The following WWOX variants were observed in gnomAD, a reference collection of about 807,000 sequenced individuals.
The protein encoded by WWOX is WW domain containing oxidoreductase.
WWOX carries 69 observed loss-of-function variants against 46.2 expected under a neutral mutation model. That is an observed-to-expected ratio of 1.49 (90% CI 1.23 to 1.82). The LOEUF is 1.82. Ranked by LOEUF, WWOX falls within the 40% of genes most tolerant of loss-of-function variation. The pLI, the probability that WWOX is intolerant of heterozygous loss-of-function variation, is 0.00. For missense variants in WWOX, 919 were observed against 542.6 expected (o/e 1.69, Z -6.89); for synonymous variants, 359 against 202.6 (o/e 1.77, Z -6.56).
intron 8 of WWOX, among the ~76,000 whole-genome samples, chr16:78,889,849 T>G (rs906324616): frequency 6.6e-6 from 1 of 152,216 alleles, no homozygotes; most frequent in Non-Finnish European, 1.5e-5. Context: ...ACGTTTGCTG[T>G]ATCTGGAGAA....
chr16:78,684,553 C>G (rs2047811228), intron 8 of WWOX, among the ~76,000 whole-genome samples: 1 of 152,160 alleles, frequency 6.6e-6, no homozygotes, highest in East Asian at 1.9e-4. Context: ...CCCGCTGGCT[C>G]AGGCTGTGCC....
At chr16:78,158,877 GC>G (rs1273561992) in intron 4 of WWOX, among the ~76,000 whole-genome samples, 5 of 152,040 alleles carry the variant, frequency 3.3e-5, no homozygotes, top group Non-Finnish European at 5.9e-5. Flanking sequence ...GATCTCTAGG[GC>G]TTTTCCATCT....
chr16:78,333,161 CTGCCTCAGCCTCCTGGGT>C (rs1223448131), intron 5 of WWOX, among the ~76,000 whole-genome samples: 164 of 149,238 alleles, frequency 1.1e-3, no homozygotes, highest in Middle Eastern at 3.6e-3. Flanking sequence ...GGCGATTCTC[CTGCCTCAGCCTCCTGGGT>C]AGCTGGGACT....
chr16:78,357,136 G>C (rs1341017334), intron 5 of WWOX, among the ~76,000 whole-genome samples: 4 of 152,170 alleles, frequency 2.6e-5, no homozygotes, highest in Non-Finnish European at 5.9e-5. Flanking sequence ...GTGGCCCCTA[G>C]TTTGAATCTT....
At chr16:78,226,787 G>A (rs144988544) in intron 5 of WWOX, among the ~76,000 whole-genome samples, 58 of 152,136 alleles carry the variant, frequency 3.8e-4, no homozygotes, top group Non-Finnish European at 7.1e-4. Context: ...TAAGTGTGTC[G>A]TACGCAGGAA....
At chr16:79,024,045 G>C (rs552311373) in intron 8 of WWOX, among the ~76,000 whole-genome samples, 1 of 152,262 alleles carries the variant, frequency 6.6e-6, no homozygotes, top group South Asian at 2.1e-4. Flanking sequence ...AAAGTACCTA[G>C]AATAGGCACC....
intron 8 of WWOX, among the ~76,000 whole-genome samples, chr16:78,486,040 G>A (rs2084628106): frequency 6.6e-6 from 1 of 152,166 alleles, no homozygotes; most frequent in African/African-American, 2.4e-5. Context: ...TGTTTTATCT[G>A]AAAACAAAAT....
At chr16:78,940,746 T>A (rs2045835946) in intron 8 of WWOX, among the ~76,000 whole-genome samples, 1 of 152,006 alleles carries the variant, frequency 6.6e-6, no homozygotes, top group African/African-American at 2.4e-5. Context: ...TTTTTCCCTT[T>A]CAGTATTCAT....
chr16:79,045,642 C>G (rs1418056612), intron 8 of WWOX, among the ~76,000 whole-genome samples: 1 of 152,046 alleles, frequency 6.6e-6, no homozygotes, highest in African/African-American at 2.4e-5. Context: ...GCAGAGGCAC[C>G]TGAGTTTTGC....
chr16:78,762,700 C>T (rs1023954132), intron 8 of WWOX, among the ~76,000 whole-genome samples: 9 of 152,186 alleles, frequency 5.9e-5, no homozygotes, highest in Non-Finnish European at 1.0e-4. Flanking sequence ...TGGCTGAGAA[C>T]AGCAGCTCTG....
chr16:78,574,171 C>G (rs2044789242), intron 8 of WWOX, among the ~76,000 whole-genome samples: 1 of 152,200 alleles, frequency 6.6e-6, no homozygotes, highest in Admixed American at 6.5e-5. Flanking sequence ...CACAAAGCAG[C>G]TTCCTTCATC....
chr16:78,557,178 G>T (rs926310975), intron 8 of WWOX, among the ~76,000 whole-genome samples: 7 of 152,066 alleles, frequency 4.6e-5, no homozygotes, highest in Admixed American at 2.6e-4. Context: ...GCCTCTGCTT[G>T]TTTCTGAATA....
chr16:78,166,584 G>C (rs1465160959), intron 5 of WWOX: 1 of 144,718 alleles, frequency 6.9e-6, no homozygotes, highest in African/African-American at 2.5e-5. Flanking sequence ...TTTTGAGACT[G>C]AGTTTCACTC....
chr16:78,788,965 G>C (rs892556404), intron 8 of WWOX, among the ~76,000 whole-genome samples: 1 of 152,188 alleles, frequency 6.6e-6, no homozygotes, highest in Non-Finnish European at 1.5e-5. Flanking sequence ...TTGGAAACTA[G>C]ACCCTTATCA....
chr16:79,131,456 C>G (rs113670519), intron 8 of WWOX, among the ~76,000 whole-genome samples: 3,820 of 152,160 alleles, frequency 0.025, 152 homozygotes, highest in African/African-American at 0.086. Flanking sequence ...AGATCTATCA[C>G]ATACTCTTAT....
chr16:79,062,212 G>C (rs915226950), intron 8 of WWOX, among the ~76,000 whole-genome samples: 1 of 152,180 alleles, frequency 6.6e-6, no homozygotes, highest in Non-Finnish European at 1.5e-5. Flanking sequence ...AGGAAGAAGC[G>C]TAAGTGTATC....
At chr16:78,979,519 C>T (rs2046639695) in intron 8 of WWOX, among the ~76,000 whole-genome samples, 1 of 152,124 alleles carries the variant, frequency 6.6e-6, no homozygotes, top group Non-Finnish European at 1.5e-5. Flanking sequence ...AGGTGAAAGG[C>T]CCTCACTCCC....
intron 8 of WWOX, among the ~76,000 whole-genome samples, chr16:78,524,431 T>A (rs1276033065): frequency 2.7e-5 from 4 of 147,258 alleles, no homozygotes; most frequent in Non-Finnish European, 6.0e-5. Flanking sequence ...TTTATTTATT[T>A]GTTTGTTTGA....
At chr16:78,421,545 G>C (rs866767556) in intron 6 of WWOX, among the ~76,000 whole-genome samples, 2 of 152,238 alleles carry the variant, frequency 1.3e-5, no homozygotes, top group Non-Finnish European at 1.5e-5. Context: ...CGCATTCACA[G>C]ATCCCTACCA....
Sources: gnomAD v4.1 joint callset for allele counts (sites outside exome capture counted in the v4.1 genomes callset) on GRCh38, gnomAD v4.1.1 for gene constraint, MANE v1.5 for transcripts, NCBI Gene and HGNC (gene_info 2026-07-23, HGNC 2026-07-21) for gene names.